Variants in ALG2 observed in about 807,000 individuals in gnomAD.
ALG2 encodes the protein ALG2 alpha-1,3/1,6-mannosyltransferase.
In ALG2, 32 loss-of-function variants were observed where a neutral mutation model predicts 30.5. The ratio of observed to expected loss-of-function variants is 1.05; its 90% confidence interval spans 0.79 to 1.41. The LOEUF (loss-of-function observed/expected upper bound fraction) is 1.41. ALG2 is among the 40% of genes most tolerant of loss of function. The probability of loss-of-function intolerance (pLI) is 0.00; values close to 1 mark genes in which losing one functional copy is unlikely to be tolerated. For missense variants in ALG2, 574 were observed against 526.4 expected, an observed-to-expected ratio of 1.09 and a Z score of -0.88; for synonymous variants, 253 against 224.8, an observed-to-expected ratio of 1.13 and a Z score of -1.12.
intron 1 of ALG2, among the ~76,000 whole-genome samples, chr9:99,219,608 A>G (rs1036914976): frequency 6.6e-6 from 1 of 152,264 alleles, no homozygotes; most frequent in African/African-American, 2.4e-5. Flanking sequence ...TATGTGCTCA[A>G]TAAATATTAA....
At position 99,217,739 on chromosome 9, in the gene ALG2, A is replaced by G. The variant is rs773617864; in HGVS notation, c.*195T>C. On this transcript the variant is annotated 3_prime_UTR_variant, in exon 2 of 2. Coordinates refer to ENST00000476832, the MANE Select transcript of ALG2 (RefSeq NM_033087.4). ...AACACTGGCAAAATTTGGAATGATT[A>G]TAGCATAAAAGACATGGTTTTTCTG... The G allele has an allele frequency of 3.2e-5, 23 of 711,878 alleles. No individual in the cohort carries two copies. Among genetic ancestry groups the G allele is most frequent in the Non-Finnish European group, 5.8e-5 (23 of 399,806 alleles). The allele number at this position is 711,878 out of a possible 1,614,324, so 44.1% of individuals were successfully genotyped here.
Position 99,217,985 on chromosome 9 carries a change from A to G in ALG2, c.1200T>C (p.Pro400=), listed in dbSNP as rs764916897. ...GGTAGAGCTGTTCTGTAAATGCTTCAGGGGAAAATTTTTCCTTCACTCTGG... is the reference window on the plus strand; with the variant it reads ...GGTAGAGCTGTTCTGTAAATGCTTCGGGGGAAAATTTTTCCTTCACTCTGG... ...GRARVKEKFS[P]EAFTEQLYRY... Residue 400 remains proline (P), a synonymous_variant, in exon 2 of 2, where the codon CCT becomes CCC. Transcript: ENST00000476832. 301 of 1,614,112 alleles carry G rather than the reference A, an allele frequency of 1.9e-4. No homozygotes were observed. The highest frequency in any genetic ancestry group is 2.5e-4 in the Non-Finnish European group (295 of 1,180,042).
rs1238491449 is a variant in ALG2, at chr9:99,217,598, T to C, written c.*336A>G. On this transcript the variant is annotated 3_prime_UTR_variant, in exon 2 of 2. Transcript: ENST00000476832. ...TTGATAATGATACACACTTAAACTA[T>C]GAAAACCAATTAAGGCACAGTATCA... is the stretch of plus-strand genomic sequence containing the variant. 1 of 471,678 alleles carries C rather than the reference T, an allele frequency of 2.1e-6. No homozygotes were observed. The highest frequency in any genetic ancestry group is 2.0e-5 in the African/African-American group (1 of 50,802). The allele number at this position is 471,678 out of a possible 1,614,324, so 29.2% of individuals were successfully genotyped here. A position where few individuals can be genotyped will look rare whatever the true frequency, so the allele number is the denominator to read the frequency against.
chr9:99,221,143 A>T (rs771779476), intron 1 of ALG2: 2 of 1,357,864 alleles, frequency 1.5e-6, no homozygotes, highest in Non-Finnish European at 1.9e-6. Context: ...ATGGCCTGAA[A>T]GGAGAGTCAA....
chr9:99,221,139 T>C (rs1249535707), intron 1 of ALG2: 1 of 1,357,002 alleles, frequency 7.4e-7, no homozygotes. Context: ...GCAAATGGCC[T>C]GAAAGGAGAG....
chr9:99,218,373 T>C lies in ALG2; in HGVS notation c.812A>G (p.Asp271Gly). 2 of 1,614,234 alleles carry C rather than the reference T, an allele frequency of 1.2e-6. No individual in the cohort carries two copies. Among genetic ancestry groups the C allele is most frequent in the South Asian group, 2.2e-5 (2 of 91,090 alleles). ...RVHLIVAGGY[D>G]ERVLENVEHY... ...TTCCACATTCTCCAGGACTCTCTCGTCATAACCACCTGCCACGATCAGATG... is the reference window on the plus strand; with the variant it reads ...TTCCACATTCTCCAGGACTCTCTCGCCATAACCACCTGCCACGATCAGATG... The change falls in exon 2 of 2, where the codon GAC becomes GGC. Residue 271 changes from aspartate to glycine, a missense_variant. By Grantham distance (94) the Asp-to-Gly change is moderately conservative (BLOSUM62 -1). Coordinates refer to ENST00000476832, the MANE Select transcript of ALG2 (RefSeq NM_033087.4).
intron 1 of ALG2, chr9:99,221,140 G>A (rs755190062): frequency 4.4e-6 from 6 of 1,356,964 alleles, no homozygotes; most frequent in Non-Finnish European, 5.8e-6. Context: ...CAAATGGCCT[G>A]AAAGGAGAGT....
chr9:99,221,818 A>C lies in ALG2; in HGVS notation c.77T>G (p.Val26Gly). 6.3e-7 allele frequency: 1 copy of C among 1,597,446 alleles called. No individual in the cohort carries two copies. Among genetic ancestry groups the C allele is most frequent in the South Asian group, 1.1e-5 (1 of 90,914 alleles). Residue 26 changes from valine to glycine, a missense_variant, in exon 1 of 2, where the codon GTG (valine) becomes GGG (glycine). Physicochemically the swap from Val to Gly is moderately radical, Grantham distance 109. Transcript: ENST00000476832. ...CAACACCAGCCGCTCAGCGCCGCCC[A>C]CGCCCAGGTCTGGGTGGAGGAACAG... ...SVLFLHPDLG[V>G]GGAERLVLDA...
rs760941473 is a variant in ALG2 at position 99,216,508 on chromosome 9, A to T, written c.*1426T>A. The T allele has an allele frequency of 1.3e-5, 6 of 452,680 alleles. No individual in the cohort carries two copies. Among genetic ancestry groups the T allele is most frequent in the Non-Finnish European group, 2.2e-5 (5 of 226,402 alleles). 28.0% of individuals were successfully genotyped at this position (452,680 alleles called of 1,614,324 possible). ...TTATAGTACTCCTTTTTGGTACAGA[A>T]TCATTTTGCCAAAATACTCCTGTGA... On this transcript the variant is annotated 3_prime_UTR_variant, in exon 2 of 2. Coordinates refer to ENST00000476832, the MANE Select transcript of ALG2 (RefSeq NM_033087.4).
chr9:99,218,275 A>C lies in ALG2; in HGVS notation c.910T>G (p.Ser304Ala). 1 of 1,614,246 alleles carries C rather than the reference A, an allele frequency of 6.2e-7. No individual in the cohort carries two copies. The highest frequency in any genetic ancestry group is 8.5e-7 in the Non-Finnish European group (1 of 1,180,044). The change falls in exon 2 of 2, where the codon TCA becomes GCA. Residue 304 changes from serine (S) to alanine (A), a missense_variant. Physicochemically the swap from Ser to Ala is moderately conservative, Grantham distance 99. Coordinates refer to ENST00000476832, the MANE Select transcript of ALG2 (RefSeq NM_033087.4). Reference protein sequence around the residue: ...GQYVTFLRSFSDKQKISLLHS... With the variant: ...GQYVTFLRSFADKQKISLLHS... ...AGGAGGGAGATTTTCTGTTTGTCTG[A>C]GAAAGACCTCAAGAAGGTCACATAC... is the stretch of plus-strand genomic sequence containing the variant.
Position 99,217,837 on chromosome 9 carries a change from TCTC to T in ALG2, c.*94_*96del. On this transcript the variant is annotated 3_prime_UTR_variant, in exon 2 of 2. Transcript: ENST00000476832. ...AGACTCAAGTTTATTTTTTAAAAGATCTCTTCTGCATTAGATTCTAGGTTTCTT... is the reference window on the plus strand; with the variant it reads ...AGACTCAAGTTTATTTTTTAAAAGATTTCTGCATTAGATTCTAGGTTTCTT... 2 of 1,346,744 alleles carry T rather than the reference TCTC, an allele frequency of 1.5e-6. No homozygotes were observed. The highest frequency in any genetic ancestry group is 2.9e-5 in the African/African-American group (2 of 69,582). 83.4% of individuals were successfully genotyped at this position (1,346,744 alleles called of 1,614,324 possible). A position where few individuals can be genotyped will look rare whatever the true frequency, so the allele number is the denominator to read the frequency against.
In ALG2 at chr9:99,216,859, A is replaced by C. The variant is rs1564215189; in HGVS notation, c.*1075T>G. ...TCAAGTCTAGCTCTTAAGAGTTGAT[A>C]AATGTGGAGCCTTTGGCTAGTAAGC... is the stretch of plus-strand genomic sequence containing the variant. On this transcript the variant is annotated 3_prime_UTR_variant, in exon 2 of 2. Coordinates refer to ENST00000476832, the MANE Select transcript of ALG2 (RefSeq NM_033087.4). The C allele has an allele frequency of 2.2e-6, 1 of 454,048 alleles. No homozygotes were observed. The highest frequency in any genetic ancestry group is 4.4e-6 in the Non-Finnish European group (1 of 226,808). The allele number at this position is 454,048 out of a possible 1,614,324, so 28.1% of individuals were successfully genotyped here.
rs1218637152 is a variant in ALG2 at position 99,221,701 on chromosome 9, T to A, written c.194A>T (p.Glu65Val). The change falls in exon 1 of 2, where the codon GAG (glutamate) becomes GTG (valine). Residue 65 changes from glutamate to valine, a missense_variant. By Grantham distance (121) the Glu-to-Val change is moderately radical. Coordinates refer to ENST00000476832, the MANE Select transcript of ALG2 (RefSeq NM_033087.4). ...GTCCCCGGCACAGCGCACCGGTAGCTCGCGGCTCTCGGCGAAACAGTGGCC... is the reference window on the plus strand; with the variant it reads ...GTCCCCGGCACAGCGCACCGGTAGCACGCGGCTCTCGGCGAAACAGTGGCC... ...DPGHCFAESR[E>V]LPVRCAGDWL... 1 of 1,586,346 alleles carries A rather than the reference T, an allele frequency of 6.3e-7. No individual in the cohort carries two copies. The highest frequency in any genetic ancestry group is 1.3e-5 in the African/African-American group (1 of 74,518).
chr9:99,221,635 G>C lies in ALG2; in HGVS notation c.260C>G (p.Ala87Gly). The change falls in exon 1 of 2, where the codon GCC (alanine) becomes GGC (glycine). Residue 87 changes from alanine to glycine, a missense_variant. Physicochemically the swap from Ala to Gly is moderately conservative, Grantham distance 60. Coordinates refer to ENST00000476832, the MANE Select transcript of ALG2 (RefSeq NM_033087.4). Reference protein sequence around the residue: ...RGLGWGGRGAAVCAYVRMVFL... With the variant: ...RGLGWGGRGAGVCAYVRMVFL... Reference sequence around the variant, plus strand: ...AACCATGCGCACGTAGGCGCAGACGGCGGCGCCGCGGCCGCCCCAGCCCAG... The same window carrying C: ...AACCATGCGCACGTAGGCGCAGACGCCGGCGCCGCGGCCGCCCCAGCCCAG... 6.5e-7 allele frequency: 1 copy of C among 1,539,136 alleles called. No homozygotes were observed. The highest frequency in any genetic ancestry group is 8.7e-7 in the Non-Finnish European group (1 of 1,145,084).
At chr9:99,221,187 G>C (rs1216056502) in intron 1 of ALG2, 4 of 1,372,798 alleles carry the variant, frequency 2.9e-6, no homozygotes, top group African/African-American at 2.9e-5. Flanking sequence ...GACAACACGC[G>C]AGTTACTCAT....
In ALG2 at chr9:99,216,814, T is replaced by G. The variant is rs1191684051; in HGVS notation, c.*1120A>C. On this transcript the variant is annotated 3_prime_UTR_variant, in exon 2 of 2. Coordinates refer to ENST00000476832, the MANE Select transcript of ALG2 (RefSeq NM_033087.4). ...GGTATAGAGATCAATTTACACAAAATCATATAGGCTGTTAGGCTCTCAAGT... is the reference window on the plus strand; with the variant it reads ...GGTATAGAGATCAATTTACACAAAAGCATATAGGCTGTTAGGCTCTCAAGT... 1 of 453,978 alleles carries G rather than the reference T, an allele frequency of 2.2e-6. No individual in the cohort carries two copies. Among genetic ancestry groups the G allele is most frequent in the Non-Finnish European group, 4.4e-6 (1 of 226,796 alleles). The allele number at this position is 453,978 out of a possible 1,614,324, so 28.1% of individuals were successfully genotyped here.
Position 99,218,456 on chromosome 9 carries a change from T to G in ALG2, c.729A>C (p.Ala243=), listed in dbSNP as rs748947069. The change falls in exon 2 of 2, where the codon GCA becomes GCC. Residue 243 remains alanine (A), a synonymous_variant. Coordinates refer to ENST00000476832, the MANE Select transcript of ALG2 (RefSeq NM_033087.4). ...CACGCAGCTGTACTAGGGCTTCCAG[T>G]GCCAAAGTCAGATTTTTCTTCCTTT... is the stretch of plus-strand genomic sequence containing the variant. The part of the protein sequence containing the change: ...RYERKKNLTL[A]LEALVQLRGR... 5.6e-6 allele frequency: 9 copies of G among 1,614,108 alleles called. No homozygotes were observed. The African/African-American group carries it at 1.2e-4, about 22-fold the overall frequency.
At position 99,218,611 on chromosome 9, in the gene ALG2, A is replaced by T. The variant is rs774484422; in HGVS notation, c.574T>A (p.Ser192Thr). The T allele has an allele frequency of 6.2e-7, 1 of 1,614,100 alleles. No homozygotes were observed. Among genetic ancestry groups the T allele is most frequent in the African/African-American group, 1.3e-5 (1 of 74,934 alleles). The change falls in exon 2 of 2, where the codon TCT becomes ACT. Residue 192 changes from serine to threonine, a missense_variant. Ser to Thr is a moderately conservative substitution (Grantham distance 58). Coordinates refer to ENST00000476832, the MANE Select transcript of ALG2 (RefSeq NM_033087.4). ...AVFKETFKSL[S>T]HIDPDVLYPS... is the part of the protein sequence containing the mutation. ...TAGAGGACATCAGGGTCTATGTGAG[A>T]CAGGGACTTGAATGTTTCCTTAAAA...
chr9:99,218,448 G>C lies in ALG2; in HGVS notation c.737C>G (p.Ala246Gly), dbSNP rs755667011. ...CAATCTTCCACGCAGCTGTACTAGGGCTTCCAGTGCCAAAGTCAGATTTTT... is the reference window on the plus strand; with the variant it reads ...CAATCTTCCACGCAGCTGTACTAGGCCTTCCAGTGCCAAAGTCAGATTTTT... ...RKKNLTLALE[A>G]LVQLRGRLTS... The change falls in exon 2 of 2, where the codon GCC (alanine) becomes GGC (glycine). Residue 246 changes from alanine (A) to glycine (G), a missense_variant. Physicochemically the swap from Ala to Gly is moderately conservative, Grantham distance 60 (BLOSUM62 0). Transcript: ENST00000476832. The C allele has an allele frequency of 6.2e-7, 1 of 1,614,212 alleles. No homozygotes were observed. The highest frequency in any genetic ancestry group is 1.6e-4 in the Middle Eastern group (1 of 6,062).
Sources: gnomAD v4.1 joint callset for allele counts (sites outside exome capture counted in the v4.1 genomes callset) on GRCh38, gnomAD v4.1.1 for gene constraint, MANE v1.5 for transcripts, NCBI Gene and HGNC (gene_info 2026-07-23, HGNC 2026-07-21) for gene names.